Variants in ZNF329 observed in about 807,000 individuals in gnomAD.
ZNF329 encodes the protein zinc finger protein 329.
Under a neutral mutation model 26.6 loss-of-function variants are expected in ZNF329, and 15 were observed. That is an observed-to-expected ratio of 0.56 (90% CI 0.38 to 0.87). The LOEUF (loss-of-function observed/expected upper bound fraction) is 0.87. ZNF329 is among the 40% of genes least tolerant of loss of function. The pLI, the probability that ZNF329 is intolerant of heterozygous loss-of-function variation, is 0.00. For synonymous variants in ZNF329, 239 were observed against 233.5 expected, an observed-to-expected ratio of 1.02 and a Z score of -0.21; for missense variants, 651 against 651.9, an observed-to-expected ratio of 1.00 and a Z score of 0.02.
At chr19:58,133,844 A>C (rs897056758) in intron 3 of ZNF329, among the ~76,000 whole-genome samples, 1 of 152,004 alleles carries the variant, frequency 6.6e-6, no homozygotes, top group Non-Finnish European at 1.5e-5. Context: ...TAAAAAAAAA[A>C]AACTGATGAA....
At chr19:58,145,700 T>C (rs920848835) in intron 1 of ZNF329, among the ~76,000 whole-genome samples, 16 of 152,026 alleles carry the variant, frequency 1.1e-4, no homozygotes, top group Admixed American at 3.9e-4. Context: ...AAATGAGTAA[T>C]ACACCATGAA....
Position 58,127,876 on chromosome 19 carries a change from C to G in ZNF329, c.*2G>C. ...CTGGAAGACTCATGTGGCCCCCAAC[C>G]ATTATGTTTCCATGGGTTGCTCTCC... On this transcript the variant is annotated 3_prime_UTR_variant, in exon 4 of 4. Coordinates refer to ENST00000598312, the MANE Select transcript of ZNF329 (RefSeq NM_024620.4). 1 of 1,575,196 alleles carries G rather than the reference C, an allele frequency of 6.3e-7. No individual in the cohort carries two copies. Among genetic ancestry groups the G allele is most frequent in the Non-Finnish European group, 8.6e-7 (1 of 1,159,764 alleles).
chr19:58,137,809 CAAAAAAAAAAAAA>C lies in ZNF329; in HGVS notation c.-9+4735_-9+4747del, dbSNP rs72295173. On this transcript the variant is annotated intron_variant, in intron 3 of 3. Coordinates refer to ENST00000598312, the MANE Select transcript of ZNF329 (RefSeq NM_024620.4). The stretch of plus-strand genomic sequence containing the variant: ...TGAGACCCCATCTCTACAAAAAATA[CAAAAAAAAAAAAA>C]AAAAAAAAAAGCCAGGCGTACTGGT... Among the ~76,000 whole-genome samples, 4 of 76,270 alleles carry C rather than the reference CAAAAAAAAAAAAA, an allele frequency of 5.2e-5. No homozygotes were observed. The East Asian group carries it at 2.2e-3, about 42-fold the overall frequency. The allele number at this position is 76,270 out of a possible 152,430, so 50.0% of individuals were successfully genotyped here. A position where few individuals can be genotyped will look rare whatever the true frequency, so the allele number is the denominator to read the frequency against.
At chr19:58,153,581 C>T (rs2075494366), upstream of ZNF329, among the ~76,000 whole-genome samples, 1 of 152,294 alleles carries the variant, frequency 6.6e-6, no homozygotes, top group African/African-American at 2.4e-5. Flanking sequence ...TCCAATAAAA[C>T]TTTACAGAAA....
rs188135790 is a variant in ZNF329 at position 58,129,482 on chromosome 19, G to A, written c.22C>T (p.Arg8Trp). Residue 8 changes from arginine (R) to tryptophan (W), a missense_variant, in exon 4 of 4, where the codon CGG (arginine) becomes TGG (tryptophan). By Grantham distance (101) the Arg-to-Trp change is moderately radical. Transcript: ENST00000598312. MRLKMTT[R>W]NFPEREVPCD... ...GGTACTTCTCTCTCAGGAAAATTCC[G>A]AGTCGTCATTTTCAATCTCATATCC... 37 of 1,596,068 alleles carry A rather than the reference G, an allele frequency of 2.3e-5. 1 individual carries two copies. The highest frequency in any genetic ancestry group is 8.9e-5 in the Admixed American group (5 of 56,326).
At chr19:58,130,183 C>T (rs920007124) in intron 3 of ZNF329, among the ~76,000 whole-genome samples, 4 of 152,048 alleles carry the variant, frequency 2.6e-5, no homozygotes, top group African/African-American at 7.2e-5. Context: ...ATCAGCCAGG[C>T]GTGGTGGCAC....
intron 3 of ZNF329, chr19:58,136,684 C>CAAAAAAAAAAAAA (rs56293356): frequency 1.1e-4 from 10 of 88,674 alleles, no homozygotes; most frequent in African/African-American, 4.5e-4. Flanking sequence ...AGACTGTCTC[C>CAAAAAAAAAAAAA]AAAAAAAAAA....
Position 58,129,114 on chromosome 19 carries a change from G to GTC in ZNF329, c.389_390insGA (p.Asn130LysfsTer14), listed in dbSNP as rs545877843. On this transcript the variant is annotated frameshift_variant, in exon 4 of 4. Transcript: ENST00000598312. LOFTEE classifies it high-confidence loss of function. The stretch of plus-strand genomic sequence containing the variant: ...TTCCATGAATAACTTCCATGGAATG[G>GTC]TTGAAGCCTTTTCCACAGGCATCAC... 1.2e-6 allele frequency: 2 copies of GTC among 1,613,960 alleles called. No individual in the cohort carries two copies. The highest frequency in any genetic ancestry group is 1.7e-6 in the Non-Finnish European group (2 of 1,180,036).
chr19:58,134,811 T>C (rs1459535741), intron 3 of ZNF329, among the ~76,000 whole-genome samples: 4 of 152,110 alleles, frequency 2.6e-5, no homozygotes, highest in Admixed American at 6.6e-5. Context: ...GGCACATGCC[T>C]GTAATCCCAG....
chr19:58,130,165 C>A (rs1398722651), intron 3 of ZNF329, among the ~76,000 whole-genome samples: 1 of 151,630 alleles, frequency 6.6e-6, no homozygotes, highest in Non-Finnish European at 1.5e-5. Context: ...ACTAAAAATA[C>A]AAAAAAAATC....
chr19:58,130,412 C>T (rs1240606043), intron 3 of ZNF329, among the ~76,000 whole-genome samples: 3 of 152,002 alleles, frequency 2.0e-5, no homozygotes, highest in Non-Finnish European at 4.4e-5. Context: ...GGTGGTCACG[C>T]CTGTAATCCC....
chr19:58,133,071 C>T (rs1161565439), intron 3 of ZNF329, among the ~76,000 whole-genome samples: 2 of 152,194 alleles, frequency 1.3e-5, no homozygotes, highest in Non-Finnish European at 2.9e-5. Flanking sequence ...CTCAGCCTCC[C>T]AGAGTGCTGG....
At chr19:58,137,995 T>G (rs2075110073) in intron 3 of ZNF329, among the ~76,000 whole-genome samples, 1 of 151,166 alleles carries the variant, frequency 6.6e-6, no homozygotes, top group Non-Finnish European at 1.5e-5. Flanking sequence ...TAAATAAAAT[T>G]TTTTAAAAAG....
chr19:58,143,431 T>C (rs1288589229), intron 1 of ZNF329, among the ~76,000 whole-genome samples: 1 of 152,064 alleles, frequency 6.6e-6, no homozygotes, highest in African/African-American at 2.4e-5. Context: ...GTGACAAAAT[T>C]CACACTGAAG....
At chr19:58,152,624 G>A (rs552527144), upstream of ZNF329, among the ~76,000 whole-genome samples, 2 of 152,258 alleles carry the variant, frequency 1.3e-5, no homozygotes, top group South Asian at 2.1e-4. Flanking sequence ...TTGGGAGGCC[G>A]AGGCAGGTGG....
intron 3 of ZNF329, 56 bp downstream of exon 3, chr19:58,142,501 A>T (rs1239372827): frequency 6.5e-6 from 1 of 152,684 alleles, no homozygotes; most frequent in Non-Finnish European, 1.5e-5. Context: ...AAAGGAAATA[A>T]CAGTCCTTGC....
intron 1 of ZNF329, among the ~76,000 whole-genome samples, chr19:58,146,228 C>A (rs571001686): frequency 6.6e-6 from 1 of 152,164 alleles, no homozygotes; most frequent in Non-Finnish European, 1.5e-5. Context: ...AATCCCAGCA[C>A]TGTAGGAGGC....
chr19:58,142,748 G>C (rs1192738103), intron 2 of ZNF329, 87 bp from the exon 3 acceptor site: 2 of 152,434 alleles, frequency 1.3e-5, no homozygotes, highest in South Asian at 4.1e-4. Flanking sequence ...ATCCCATCCT[G>C]ACAAAGTCAG....
chr19:58,129,573 CAAT>C lies in ZNF329; in HGVS notation c.-8-65_-8-63del, dbSNP rs1369554054. ...AAGCTTTATCTGTAAGAGAAACAGA[CAAT>C]GATGATGGGCTAGGTGTAAAGATGT... On this transcript the variant is annotated intron_variant, in intron 3 of 3. Coordinates refer to ENST00000598312, the MANE Select transcript of ZNF329 (RefSeq NM_024620.4). 25 of 1,361,504 alleles carry C rather than the reference CAAT, an allele frequency of 1.8e-5. No individual in the cohort carries two copies. The East Asian group carries it at 4.2e-4, about 23-fold the overall frequency. 84.3% of individuals were successfully genotyped at this position (1,361,504 alleles called of 1,614,324 possible).
Sources: gnomAD v4.1 joint callset for allele counts (sites outside exome capture counted in the v4.1 genomes callset) on GRCh38, gnomAD v4.1.1 for gene constraint, MANE v1.5 for transcripts, NCBI Gene and HGNC (gene_info 2026-07-23, HGNC 2026-07-21) for gene names.